The following AUTS2 variants were observed in gnomAD, a reference collection of about 807,000 sequenced individuals.
AUTS2 encodes autism susceptibility gene 2 protein.
A neutral mutation model predicts 112.4 loss-of-function variants in AUTS2; 17 were observed. The observed-to-expected ratio is 0.15, with a 90% CI of 0.10 to 0.23. The LOEUF (loss-of-function observed/expected upper bound fraction) is 0.23. AUTS2 is among the 10% of genes least tolerant of loss of function. AUTS2 has a pLI of 1.00. For missense variants in AUTS2, 1,510 were observed against 1,701.6 expected, an observed-to-expected ratio of 0.89 and a Z score of 1.98; for synonymous variants, 751 against 702.7, an observed-to-expected ratio of 1.07 and a Z score of -1.09.
chr7:69,837,496 A>G (rs556435969), intron 1 of AUTS2, among the ~76,000 whole-genome samples: 53 of 152,086 alleles, frequency 3.5e-4, no homozygotes, highest in Non-Finnish European at 7.7e-4. Flanking sequence ...CTGCTTCATT[A>G]TCCCCCTAAG....
intron 2 of AUTS2, 128 bp downstream of exon 2, chr7:69,899,626 A>C: frequency 1.2e-6 from 1 of 840,886 alleles, no homozygotes; most frequent in Middle Eastern, 3.6e-4. Flanking sequence ...GTTGTCCAAC[A>C]AAGCTGTGTG....
At chr7:69,634,563 A>G (rs1003917985) in intron 1 of AUTS2, among the ~76,000 whole-genome samples, 11 of 152,206 alleles carry the variant, frequency 7.2e-5, no homozygotes, top group Non-Finnish European at 1.5e-4. Context: ...TTATCTTGAA[A>G]ATCTAGACTT....
Position 70,698,637 on chromosome 7 carries a change from C to A in AUTS2, c.742+17C>A. ...TAAACAAAGGTAAGACCCATTCATT[C>A]TCCTGAGTAATGGCTTATTTTTATG... On this transcript the variant is annotated intron_variant, in intron 6 of 18. Coordinates refer to ENST00000342771, the MANE Select transcript of AUTS2 (RefSeq NM_015570.4). The A allele has an allele frequency of 1.3e-6, 2 of 1,586,210 alleles. No individual in the cohort carries two copies. Among genetic ancestry groups the A allele is most frequent in the South Asian group, 1.2e-5 (1 of 86,390 alleles).
At chr7:69,885,132 C>T (rs1794218154) in intron 1 of AUTS2, among the ~76,000 whole-genome samples, 1 of 152,128 alleles carries the variant, frequency 6.6e-6, no homozygotes, top group South Asian at 2.1e-4. Context: ...ATATGTTTCT[C>T]ATGTAGTGAT....
At chr7:70,690,178 C>T (rs575696295) in intron 5 of AUTS2, among the ~76,000 whole-genome samples, 97 of 152,304 alleles carry the variant, frequency 6.4e-4, no homozygotes, top group Non-Finnish European at 1.2e-3. Context: ...GGCAGAGCCA[C>T]AATTATTAAC....
intron 6 of AUTS2, among the ~76,000 whole-genome samples, chr7:70,715,370 T>C (rs1251776736): frequency 6.6e-6 from 1 of 152,188 alleles, no homozygotes. Flanking sequence ...AATGAGGTCA[T>C]ACACACTTAA....
At chr7:70,691,691 T>G (rs1386825093) in intron 5 of AUTS2, among the ~76,000 whole-genome samples, 16 of 152,022 alleles carry the variant, frequency 1.1e-4, no homozygotes, top group Admixed American at 9.2e-4. Context: ...GTGGGTGGTG[T>G]TCTGCAACCG....
intron 4 of AUTS2, among the ~76,000 whole-genome samples, chr7:70,137,621 G>A (rs1584777475): frequency 6.6e-6 from 1 of 152,088 alleles, no homozygotes; most frequent in Admixed American, 6.6e-5. Flanking sequence ...AAGACTACCT[G>A]TATGACCTTG....
At chr7:70,527,246 C>T (rs563624415) in intron 5 of AUTS2, among the ~76,000 whole-genome samples, 1 of 152,288 alleles carries the variant, frequency 6.6e-6, no homozygotes, top group Admixed American at 6.5e-5. Context: ...GAAATGGTCT[C>T]GTGTTTGAAG....
chr7:69,799,775 T>TAAGCTC (rs1790002600), intron 1 of AUTS2, among the ~76,000 whole-genome samples: 1 of 152,182 alleles, frequency 6.6e-6, no homozygotes, highest in African/African-American at 2.4e-5. Flanking sequence ...ATTAGAAATC[T>TAAGCTC]AAGCTCTCCC....
intron 1 of AUTS2, among the ~76,000 whole-genome samples, chr7:69,893,606 C>T (rs900049189): frequency 9.2e-5 from 14 of 152,150 alleles, no homozygotes; most frequent in African/African-American, 3.4e-4. Flanking sequence ...TTGCAAGCCC[C>T]TCACATACAT....
At chr7:69,777,548 G>C (rs28582862) in intron 1 of AUTS2, among the ~76,000 whole-genome samples, 64 of 152,126 alleles carry the variant, frequency 4.2e-4, no homozygotes, top group African/African-American at 1.3e-3. Flanking sequence ...AGCTCTACAG[G>C]CACTACTGTT....
At chr7:69,697,687 T>A (rs919905938) in intron 1 of AUTS2, among the ~76,000 whole-genome samples, 1 of 152,242 alleles carries the variant, frequency 6.6e-6, no homozygotes, top group Non-Finnish European at 1.5e-5. Flanking sequence ...ACTCCTGAAC[T>A]GGCATTGTGA....
At chr7:70,184,103 TTTC>T (rs1312234471) in intron 4 of AUTS2, among the ~76,000 whole-genome samples, 1 of 152,202 alleles carries the variant, frequency 6.6e-6, no homozygotes, top group Non-Finnish European at 1.5e-5. Flanking sequence ...AGGATTTTGT[TTTC>T]TTCTGTTCCT....
chr7:69,898,206 GA>G (rs571134192), intron 1 of AUTS2, among the ~76,000 whole-genome samples: 171 of 152,184 alleles, frequency 1.1e-3, no homozygotes, highest in African/African-American at 3.9e-3. Context: ...CCCCAGAAAT[GA>G]AAAAATTTTT....
rs372828752 is a variant in AUTS2, at chr7:70,195,087, A to G, written c.660+60516A>G. ...GAAACGCCATCTTAAAATATACATA[A>G]TATTTTTAAGAAATCAGTTTTGAAA... On this transcript the variant is annotated intron_variant, in intron 4 of 18. Transcript: ENST00000342771. Among the ~76,000 whole-genome samples the G allele has an allele frequency of 1.3e-3, 195 of 152,224 alleles. 11 individuals are homozygous for G. The South Asian group carries it at 0.04, about 31-fold the overall frequency.
chr7:70,749,371 C>T (rs192145766), intron 6 of AUTS2, among the ~76,000 whole-genome samples: 1 of 152,012 alleles, frequency 6.6e-6, no homozygotes, highest in Non-Finnish European at 1.5e-5. Flanking sequence ...GAGGGGGGTC[C>T]GCGAATGTAC....
At chr7:69,868,065 T>C (rs993657939) in intron 1 of AUTS2, among the ~76,000 whole-genome samples, 7 of 152,118 alleles carry the variant, frequency 4.6e-5, no homozygotes, top group Admixed American at 3.9e-4. Flanking sequence ...AAGAAAACAT[T>C]ATAAAGAAGA....
chr7:69,794,161 C>G (rs1030065616), intron 1 of AUTS2, among the ~76,000 whole-genome samples: 1 of 152,172 alleles, frequency 6.6e-6, no homozygotes, highest in Non-Finnish European at 1.5e-5. Context: ...CTTGCTTGCC[C>G]AAAGTACTAG....
Sources: gnomAD v4.1 joint callset for allele counts (sites outside exome capture counted in the v4.1 genomes callset) on GRCh38, gnomAD v4.1.1 for gene constraint, MANE v1.5 for transcripts, NCBI Gene and HGNC (gene_info 2026-07-23, HGNC 2026-07-21) for gene names.